MBOAT1: variants seen among roughly 807,000 people sequenced by gnomAD.
MBOAT1 encodes membrane-bound glycerophospholipid O-acyltransferase 1.
In MBOAT1, 67 loss-of-function variants were observed where a neutral mutation model predicts 64.4. The observed-to-expected ratio is 1.04, with a 90% confidence interval of 0.85 to 1.27. The LOEUF (loss-of-function observed/expected upper bound fraction) is 1.27. MBOAT1 is among the 50% of genes most tolerant of loss of function. The pLI, the probability that MBOAT1 is intolerant of heterozygous loss-of-function variation, is 0.00. For synonymous variants in MBOAT1, 229 were observed against 218.9 expected (o/e 1.05, Z -0.41); for missense variants, 563 against 604.6 (o/e 0.93, Z 0.72).
chr6:20,140,682 T>C (rs1761143313), intron 4 of MBOAT1, among the ~76,000 whole-genome samples: 1 of 152,214 alleles, frequency 6.6e-6, no homozygotes, highest in Non-Finnish European at 1.5e-5. Flanking sequence ...GACTGAATCA[T>C]ACCACCAGCT....
At chr6:20,134,364 G>T (rs1271115627) in intron 4 of MBOAT1, among the ~76,000 whole-genome samples, 3 of 151,316 alleles carry the variant, frequency 2.0e-5, no homozygotes, top group Non-Finnish European at 4.4e-5. Flanking sequence ...CCTCAGAAAA[G>T]ATGTCCTTTT....
chr6:20,108,029 C>T (rs1485186563), intron 12 of MBOAT1, among the ~76,000 whole-genome samples: 1 of 152,242 alleles, frequency 6.6e-6, no homozygotes, highest in African/African-American at 2.4e-5. Context: ...CCTAGGTGGG[C>T]ACAAGGAGGC....
chr6:20,182,918 A>T (rs1028536101), intron 1 of MBOAT1, among the ~76,000 whole-genome samples: 2 of 152,228 alleles, frequency 1.3e-5, no homozygotes, highest in Admixed American at 1.3e-4. Flanking sequence ...AACCATTATT[A>T]TAACTATGGG....
At chr6:20,132,144 G>A (rs1358585942) in intron 4 of MBOAT1, among the ~76,000 whole-genome samples, 3 of 152,140 alleles carry the variant, frequency 2.0e-5, no homozygotes, top group Non-Finnish European at 4.4e-5. Flanking sequence ...GCCTCCGAAA[G>A]TGCTGGGATT....
intron 1 of MBOAT1, among the ~76,000 whole-genome samples, chr6:20,168,748 A>AGGAG: frequency 1.3e-5 from 1 of 79,784 alleles, no homozygotes; most frequent in African/African-American, 5.3e-5. Flanking sequence ...GGAGGGAGGG[A>AGGAG]GGAAGGAAGG....
intron 7 of MBOAT1, 103 bp downstream of exon 7, chr6:20,126,414 G>T: frequency 1.0e-6 from 1 of 973,262 alleles, no homozygotes; most frequent in Non-Finnish European, 1.5e-6. Context: ...AAAAGTTATT[G>T]GCCAAGCTTT....
At chr6:20,148,137 T>C (rs1304766572) in intron 3 of MBOAT1, among the ~76,000 whole-genome samples, 1 of 152,334 alleles carries the variant, frequency 6.6e-6, no homozygotes, top group African/African-American at 2.4e-5. Flanking sequence ...GGGTTAGTTT[T>C]GGCCAGGCAT....
At chr6:20,179,922 C>CT (rs35155282) in intron 1 of MBOAT1, among the ~76,000 whole-genome samples, 86,920 of 151,746 alleles carry the variant, frequency 0.57, 25,129 homozygotes, top group East Asian at 0.7. Context: ...TGATGTTGAG[C>CT]TTTTTTTCAT....
At chr6:20,181,958 C>T (rs866777081) in intron 1 of MBOAT1, among the ~76,000 whole-genome samples, 1 of 152,168 alleles carries the variant, frequency 6.6e-6, no homozygotes, top group East Asian at 1.9e-4. Flanking sequence ...AGAGTCGGAA[C>T]AATTATGGTT....
At chr6:20,116,317 G>A (rs149798119) in intron 9 of MBOAT1, among the ~76,000 whole-genome samples, 12,866 of 151,446 alleles carry the variant, frequency 0.085, 607 homozygotes, top group Admixed American at 0.14. Flanking sequence ...GGGCAACATG[G>A]CAAGACTCCA....
At chr6:20,120,434 C>T (rs533642391) in intron 8 of MBOAT1, among the ~76,000 whole-genome samples, 6 of 152,072 alleles carry the variant, frequency 3.9e-5, no homozygotes, top group African/African-American at 7.2e-5. Flanking sequence ...GCTGGGATGA[C>T]GAAACGTGCG....
chr6:20,193,026 G>C (rs1352794611), intron 1 of MBOAT1, among the ~76,000 whole-genome samples: 1 of 17,146 alleles, frequency 5.8e-5, no homozygotes, highest in Non-Finnish European at 1.5e-4. Flanking sequence ...TTTTTTTTGA[G>C]ACGGAGTCTC....
chr6:20,204,637 G>A (rs947688111), intron 1 of MBOAT1, among the ~76,000 whole-genome samples: 1 of 152,172 alleles, frequency 6.6e-6, no homozygotes, highest in East Asian at 1.9e-4. Context: ...AGGAATTGAG[G>A]ACCAGGATGA....
chr6:20,168,463 AAGACAG>A (rs202235159), intron 1 of MBOAT1, among the ~76,000 whole-genome samples: 1,963 of 133,648 alleles, frequency 0.015, 22 homozygotes, highest in Middle Eastern at 0.03. Flanking sequence ...AGACTCAAGA[AAGACAG>A]AGACAGAGAC....
intron 1 of MBOAT1, among the ~76,000 whole-genome samples, chr6:20,193,298 G>A (rs1331874605): frequency 1.3e-5 from 2 of 152,136 alleles, no homozygotes; most frequent in Admixed American, 6.5e-5. Flanking sequence ...GAGCCACCGC[G>A]CCCGGCCTAT....
At chr6:20,206,513 C>G (rs1308671199) in intron 1 of MBOAT1, among the ~76,000 whole-genome samples, 1 of 152,168 alleles carries the variant, frequency 6.6e-6, no homozygotes, top group Admixed American at 6.5e-5. Flanking sequence ...CATAGGAAAG[C>G]TTTCCTCCCT....
intron 1 of MBOAT1, among the ~76,000 whole-genome samples, chr6:20,208,930 C>A (rs1356839683): frequency 6.6e-6 from 1 of 152,210 alleles, no homozygotes; most frequent in East Asian, 1.9e-4. Context: ...CTAACATCAA[C>A]ATTATCATAT....
chr6:20,130,546 G>A (rs1760790618), intron 5 of MBOAT1, among the ~76,000 whole-genome samples: 1 of 152,024 alleles, frequency 6.6e-6, no homozygotes, highest in Admixed American at 6.5e-5. Flanking sequence ...TAGAGACGGG[G>A]GTTTCATCAT....
At chr6:20,154,693 A>C (rs1396915129) in intron 1 of MBOAT1, among the ~76,000 whole-genome samples, 2 of 152,184 alleles carry the variant, frequency 1.3e-5, no homozygotes, top group African/African-American at 4.8e-5. Context: ...TGATTTGGTC[A>C]TATCTTTTCA....
Sources: allele counts gnomAD v4.1 joint callset (sites outside exome capture counted in the v4.1 genomes callset), GRCh38; gene constraint gnomAD v4.1.1; transcripts MANE v1.5; gene names NCBI Gene and HGNC (gene_info 2026-07-23, HGNC 2026-07-21).